USP8: variants seen among roughly 807,000 people sequenced by gnomAD.
USP8 encodes the protein ubiquitin carboxyl-terminal hydrolase 8.
USP8 carries 27 observed loss-of-function variants against 130.0 expected under a neutral mutation model. The ratio of observed to expected loss-of-function variants is 0.21; its 90% CI spans 0.15 to 0.29. USP8 has a LOEUF of 0.29. Ranked by LOEUF, USP8 falls within the 10% of genes least tolerant of loss-of-function variation. The pLI is 1.00. For missense variants in USP8, 1,029 were observed against 1,312.2 expected (o/e 0.78, Z 3.33); for synonymous variants, 392 against 444.1 (o/e 0.88, Z 1.48).
chr15:50,442,410 T>C (rs1474250365), intron 3 of USP8, among the ~76,000 whole-genome samples: 2 of 152,056 alleles, frequency 1.3e-5, no homozygotes, highest in East Asian at 3.9e-4. Context: ...AGGATAAGTG[T>C]TGATAGAGAA....
rs2052779580 is a variant in USP8 at position 50,514,331 on chromosome 15, G to A, written c.*15243G>A. 6.6e-6 allele frequency: 1 copy of A among 152,180 alleles called. No homozygotes were observed. The highest frequency in any genetic ancestry group is 1.5e-5 in the Non-Finnish European group (1 of 68,044). The allele number at this position is 152,180 out of a possible 1,614,324, so 9.4% of individuals were successfully genotyped here. On this transcript the variant is annotated 3_prime_UTR_variant, in exon 20 of 20. Coordinates refer to ENST00000307179, the MANE Select transcript of USP8 (RefSeq NM_005154.5). ...TCTGTTCTGCTGGTTACATGGGTAT[G>A]TTCACTTGAAAATCCATCAAGTTTT...
intron 2 of USP8, 135 bp downstream of exon 2, chr15:50,439,312 G>A: frequency 1.7e-6 from 1 of 574,268 alleles, no homozygotes; most frequent in Non-Finnish European, 3.0e-6. Context: ...CCTCCTTAGA[G>A]AAAGTTGTAA....
intron 16 of USP8, among the ~76,000 whole-genome samples, chr15:50,495,030 A>AG (rs2052322018): frequency 5.3e-5 from 8 of 151,972 alleles, no homozygotes; most frequent in Admixed American, 4.6e-4. Flanking sequence ...AAAAAAAAAA[A>AG]AAAAAAATTA....
chr15:50,461,456 CAAAA>C (rs71124356), intron 5 of USP8, among the ~76,000 whole-genome samples: 9 of 108,670 alleles, frequency 8.3e-5, no homozygotes, highest in Non-Finnish European at 5.3e-5. Flanking sequence ...ACCCTATCTC[CAAAA>C]AAAAAAAAAA....
intron 1 of USP8, among the ~76,000 whole-genome samples, chr15:50,427,433 A>C (rs957571353): frequency 6.6e-6 from 1 of 152,154 alleles, no homozygotes; most frequent in East Asian, 1.9e-4. Context: ...GAATTTGTTC[A>C]AAGTCATATG....
At position 50,510,362 on chromosome 15, in the gene USP8, G is replaced by A. The variant is rs1215335109; in HGVS notation, c.*11274G>A. On this transcript the variant is annotated 3_prime_UTR_variant, in exon 20 of 20. Coordinates refer to ENST00000307179, the MANE Select transcript of USP8 (RefSeq NM_005154.5). The stretch of plus-strand genomic sequence containing the variant: ...AGAAAAGGACTAACTAGAAAAGATT[G>A]ATGTTCCAACCAAATTAAAACTTGA... 1.3e-5 allele frequency: 2 copies of A among 151,964 alleles called. No homozygotes were observed. The highest frequency in any genetic ancestry group is 2.9e-5 in the Non-Finnish European group (2 of 67,986). 9.4% of individuals were successfully genotyped at this position (151,964 alleles called of 1,614,324 possible).
rs952847659 is a variant in USP8 at position 50,505,320 on chromosome 15, C to T, written c.*6232C>T. 6 of 152,230 alleles carry T rather than the reference C, an allele frequency of 3.9e-5. No individual in the cohort carries two copies. The highest frequency in any genetic ancestry group is 8.8e-5 in the Non-Finnish European group (6 of 68,018). 9.4% of individuals were successfully genotyped at this position (152,230 alleles called of 1,614,324 possible). A position where few individuals can be genotyped will look rare whatever the true frequency, so the allele number is the denominator to read the frequency against. ...GAGAGTTTACCCACAAGAATCTAAC[C>T]TGCTGGTAGAAGTTCTCCATAGCAG... On this transcript the variant is annotated 3_prime_UTR_variant, in exon 20 of 20. Transcript: ENST00000307179.
intron 1 of USP8, among the ~76,000 whole-genome samples, chr15:50,435,363 G>A (rs2050063688): frequency 6.6e-6 from 1 of 152,114 alleles, no homozygotes; most frequent in Non-Finnish European, 1.5e-5. Context: ...TGTAACAACT[G>A]TTTATATAAC....
Position 50,490,478 on chromosome 15 carries a change from A to G in USP8, c.2187A>G (p.Glu729=), listed in dbSNP as rs962942937. The G allele has an allele frequency of 9.9e-6, 16 of 1,614,082 alleles. No homozygotes were observed. Among genetic ancestry groups the G allele is most frequent in the Non-Finnish European group, 1.3e-5 (15 of 1,180,046 alleles). The change falls in exon 14 of 20, where the codon GAA becomes GAG. Residue 729 remains glutamate, a synonymous_variant. Coordinates refer to ENST00000307179, the MANE Select transcript of USP8 (RefSeq NM_005154.5). The part of the protein sequence containing the change: ...SPDITQAIQE[E]EKRKPTVTPT... Reference sequence around the variant, plus strand: ...ATATAACCCAGGCTATTCAAGAGGAAGAGAAGAGGAAGCCAACAGTAACTC... The same window carrying G: ...ATATAACCCAGGCTATTCAAGAGGAGGAGAAGAGGAAGCCAACAGTAACTC...
Position 50,472,551 on chromosome 15 carries a change from C to A in USP8, c.849+756C>A, listed in dbSNP as rs542067646. Among the ~76,000 whole-genome samples the A allele has an allele frequency of 1.4e-3, 211 of 146,706 alleles. 1 individual carries two copies. Among genetic ancestry groups the A allele is most frequent in the African/African-American group, 5.0e-3 (196 of 39,396 alleles). On this transcript the variant is annotated intron_variant, in intron 8 of 19. Coordinates refer to ENST00000307179, the MANE Select transcript of USP8 (RefSeq NM_005154.5). Reference sequence around the variant, plus strand: ...GGCAGAGTTTGCAGTGAGCAGAGATCGCACCACTGCACTCCAGCCTGGGAG... The same window carrying A: ...GGCAGAGTTTGCAGTGAGCAGAGATAGCACCACTGCACTCCAGCCTGGGAG...
intron 5 of USP8, among the ~76,000 whole-genome samples, chr15:50,460,225 T>G (rs1455740768): frequency 2.0e-5 from 3 of 150,474 alleles, no homozygotes; most frequent in African/African-American, 7.3e-5. Flanking sequence ...CTCGAACTCC[T>G]GACCTCCAGT....
In USP8 at chr15:50,508,414, C is replaced by T. The variant is rs950816112; in HGVS notation, c.*9326C>T. On this transcript the variant is annotated 3_prime_UTR_variant, in exon 20 of 20. Coordinates refer to ENST00000307179, the MANE Select transcript of USP8 (RefSeq NM_005154.5). ...AGCAAGCTAGTTGATGGATGCATGG[C>T]GGTTTGTTATGCTGTCCAATTTTGT... The T allele has an allele frequency of 6.6e-6, 1 of 151,944 alleles. No homozygotes were observed. Among genetic ancestry groups the T allele is most frequent in the African/African-American group, 2.4e-5 (1 of 41,352 alleles). 9.4% of individuals were successfully genotyped at this position (151,944 alleles called of 1,614,324 possible).
Position 50,471,629 on chromosome 15 carries a change from T to A in USP8, c.687-4T>A. On this transcript the variant is annotated splice_polypyrimidine_tract_variant and splice_region_variant and intron_variant, in intron 7 of 19. Transcript: ENST00000307179. ...GCCCCAATTTAAATATTAATACATT[T>A]CAGAGTCACTGCTAGTTGGATTGAA... is the stretch of plus-strand genomic sequence containing the variant. The A allele has an allele frequency of 6.2e-7, 1 of 1,609,402 alleles. No homozygotes were observed. Among genetic ancestry groups the A allele is most frequent in the Non-Finnish European group, 8.5e-7 (1 of 1,179,236 alleles).
intron 4 of USP8, among the ~76,000 whole-genome samples, chr15:50,451,401 ACT>A (rs1444487895): frequency 2.6e-5 from 4 of 152,128 alleles, no homozygotes; most frequent in Non-Finnish European, 5.9e-5. Flanking sequence ...ACAGAGTGAG[ACT>A]CTGTCTCAAA....
At chr15:50,480,002 C>G (rs563785709) in intron 10 of USP8, among the ~76,000 whole-genome samples, 1 of 152,278 alleles carries the variant, frequency 6.6e-6, no homozygotes, top group South Asian at 2.1e-4. Context: ...CTCAAGTGAT[C>G]TATCCGGCTC....
At chr15:50,429,952 A>T (rs1263841420) in intron 1 of USP8, among the ~76,000 whole-genome samples, 1 of 152,210 alleles carries the variant, frequency 6.6e-6, no homozygotes, top group South Asian at 2.1e-4. Flanking sequence ...TCTATTCTGG[A>T]AAACAGTTAC....
chr15:50,438,419 A>G (rs1194235663), intron 1 of USP8, among the ~76,000 whole-genome samples: 2 of 152,220 alleles, frequency 1.3e-5, no homozygotes, highest in African/African-American at 4.8e-5. Context: ...CCCCGTATCT[A>G]CTGAAAACAC....
At chr15:50,490,971 T>C (rs915484638) in intron 14 of USP8, among the ~76,000 whole-genome samples, 3 of 152,206 alleles carry the variant, frequency 2.0e-5, no homozygotes, top group African/African-American at 4.8e-5. Flanking sequence ...ACAAGCACTT[T>C]AGTATATCAT....
chr15:50,505,628 A>G lies in USP8; in HGVS notation c.*6540A>G, dbSNP rs2052648144. On this transcript the variant is annotated 3_prime_UTR_variant, in exon 20 of 20. Transcript: ENST00000307179. ...AAATATAACCCAATATGAACAGTAG[A>G]AAACCATGATAATGTCTCCTTTGGA... 1 of 152,244 alleles carries G rather than the reference A, an allele frequency of 6.6e-6. No individual in the cohort carries two copies. The highest frequency in any genetic ancestry group is 1.5e-5 in the Non-Finnish European group (1 of 68,058). 9.4% of individuals were successfully genotyped at this position (152,244 alleles called of 1,614,324 possible).
Sources: allele counts gnomAD v4.1 joint callset (sites outside exome capture counted in the v4.1 genomes callset), GRCh38; gene constraint gnomAD v4.1.1; transcripts MANE v1.5; gene names NCBI Gene and HGNC (gene_info 2026-07-23, HGNC 2026-07-21).